PLEKHA7: variants seen among roughly 807,000 people sequenced by gnomAD.
The protein encoded by PLEKHA7 is pleckstrin homology domain containing A7.
Under a neutral mutation model 170.0 loss-of-function variants are expected in PLEKHA7, and 104 were observed. The ratio of observed to expected loss-of-function variants is 0.61; its 90% confidence interval spans 0.52 to 0.72. The LOEUF (loss-of-function observed/expected upper bound fraction) is 0.72. Among genes scored for constraint, PLEKHA7 ranks in the 30% least tolerant of loss-of-function variants. The pLI is 0.00. For synonymous variants in PLEKHA7, 648 were observed against 660.8 expected (o/e 0.98, Z 0.30); for missense variants, 1,615 against 1,671.7 (o/e 0.97, Z 0.59).
intron 3 of PLEKHA7, among the ~76,000 whole-genome samples, chr11:16,884,268 A>G (rs1027768862): frequency 2.0e-5 from 3 of 152,170 alleles, no homozygotes; most frequent in Admixed American, 6.5e-5. Flanking sequence ...TGTCCCCCAA[A>G]CTAGTTTTAT....
intron 4 of PLEKHA7, among the ~76,000 whole-genome samples, chr11:16,863,615 C>A (rs562168690): frequency 6.6e-6 from 1 of 152,184 alleles, no homozygotes; most frequent in South Asian, 2.1e-4. Flanking sequence ...CAAATGCTAG[C>A]GTCACTGCTC....
chr11:16,846,276 C>A (rs1380218078), intron 8 of PLEKHA7, among the ~76,000 whole-genome samples: 5 of 151,718 alleles, frequency 3.3e-5, no homozygotes, highest in Non-Finnish European at 7.4e-5. Flanking sequence ...CAGAGCAAGA[C>A]TCCATGGAAA....
intron 26 of PLEKHA7, among the ~76,000 whole-genome samples, chr11:16,779,538 T>C (rs149406741): frequency 6.5e-4 from 99 of 152,286 alleles, no homozygotes; most frequent in African/African-American, 2.3e-3. Flanking sequence ...TGCTCAGATC[T>C]CTAGGAGAAA....
chr11:17,008,379 A>G (rs1047524485), intron 3 of PLEKHA7, among the ~76,000 whole-genome samples: 5 of 152,076 alleles, frequency 3.3e-5, no homozygotes, highest in African/African-American at 1.2e-4. Flanking sequence ...TGAAATGAAG[A>G]CGCAGAGGAG....
Position 16,816,968 on chromosome 11 carries a change from C to A in PLEKHA7, c.1698G>T (p.Val566=). The A allele has an allele frequency of 6.2e-7, 1 of 1,610,476 alleles. No individual in the cohort carries two copies. Among genetic ancestry groups the A allele is most frequent in the Non-Finnish European group, 8.5e-7 (1 of 1,178,146 alleles). The change falls in exon 11 of 27, where the codon GTG becomes GTT. Residue 566 remains valine (V), a synonymous_variant. Coordinates refer to ENST00000531066, the MANE Select transcript of PLEKHA7 (RefSeq NM_001329630.2). ...SMLEVPRSIS[V]PPSPSDIPPP... ...GAGGGATGTCCGAGGGAGATGGAGG[C>A]ACAGAGATGGAGCGGGGCACCTCTA...
chr11:16,789,859 T>G lies in PLEKHA7; in HGVS notation c.3072A>C (p.Ser1024=), dbSNP rs1564909275. Residue 1024 remains serine (S), a synonymous_variant, in exon 22 of 27, where the codon TCA becomes TCC. Transcript: ENST00000531066. This position sits in a 1 kb window ranked among gnomAD's most constrained non-coding sequence, Gnocchi z 4.6. ...CAATGGTGGACGACTGCTGGAGCCT[T>G]GACGTGGACCCTGAGAGCCCTTAGT... ...LPGRGLSGST[S]RLQQSSTIAP... 1 of 1,614,082 alleles carries G rather than the reference T, an allele frequency of 6.2e-7. No homozygotes were observed. The highest frequency in any genetic ancestry group is 8.5e-7 in the Non-Finnish European group (1 of 1,179,954).
chr11:16,813,365 A>G, intron 12 of PLEKHA7, 199 bp from the exon 13 acceptor site: 1 of 468,474 alleles, frequency 2.1e-6, no homozygotes, highest in East Asian at 3.5e-5. Context: ...CGGATCTTGC[A>G]GGTCACTGTG....
intron 3 of PLEKHA7, among the ~76,000 whole-genome samples, chr11:17,008,173 G>A (rs1381740161): frequency 6.6e-6 from 1 of 152,140 alleles, no homozygotes. Context: ...TACCTACACA[G>A]GGTGGCTCCA....
At chr11:16,864,636 C>T (rs1443824263) in intron 4 of PLEKHA7, among the ~76,000 whole-genome samples, 4 of 152,174 alleles carry the variant, frequency 2.6e-5, no homozygotes, top group Admixed American at 2.6e-4. Context: ...GTGAGTAAGT[C>T]TCACAAGATC....
chr11:16,941,191 T>C (rs1860672862), intron 3 of PLEKHA7, among the ~76,000 whole-genome samples: 1 of 152,198 alleles, frequency 6.6e-6, no homozygotes. Context: ...AGGGTGTCCT[T>C]ACCCAGATGG....
At chr11:16,943,247 G>C (rs1164830212) in intron 3 of PLEKHA7, among the ~76,000 whole-genome samples, 1 of 151,500 alleles carries the variant, frequency 6.6e-6, no homozygotes, top group East Asian at 1.9e-4. Context: ...AGTTATTATT[G>C]CAATACTTTA....
At chr11:16,960,424 G>C (rs1489781264) in intron 3 of PLEKHA7, among the ~76,000 whole-genome samples, 2 of 152,170 alleles carry the variant, frequency 1.3e-5, no homozygotes, top group African/African-American at 4.8e-5. Context: ...CGTTGCCTGA[G>C]CTCTGAGTTG....
chr11:16,840,580 C>T (rs899787409), intron 9 of PLEKHA7, among the ~76,000 whole-genome samples: 1 of 151,904 alleles, frequency 6.6e-6, no homozygotes, highest in Non-Finnish European at 1.5e-5. Context: ...CAAAACAAAA[C>T]CAAGATATAA....
At chr11:16,929,784 C>T (rs1189518707) in intron 3 of PLEKHA7, among the ~76,000 whole-genome samples, 11 of 152,106 alleles carry the variant, frequency 7.2e-5, no homozygotes, top group Non-Finnish European at 1.5e-5. Context: ...GTGGGTGGAT[C>T]ACAAGGTCAA....
intron 13 of PLEKHA7, among the ~76,000 whole-genome samples, chr11:16,810,930 A>G (rs908346925): frequency 1.3e-5 from 2 of 152,218 alleles, no homozygotes; most frequent in Non-Finnish European, 2.9e-5. Flanking sequence ...CCATTAAAAG[A>G]TGATACCACC....
intron 13 of PLEKHA7, among the ~76,000 whole-genome samples, chr11:16,810,031 T>C (rs925654656): frequency 6.6e-6 from 1 of 152,218 alleles, no homozygotes; most frequent in African/African-American, 2.4e-5. Context: ...GGCAGCCACC[T>C]TCCCTGCCCG....
chr11:16,959,228 T>TGCC (rs1554983280), intron 3 of PLEKHA7, among the ~76,000 whole-genome samples: 48,911 of 151,780 alleles, frequency 0.32, 8,452 homozygotes, highest in Non-Finnish European at 0.39. Flanking sequence ...TGCTCCCCTC[T>TGCC]CTCCCCCTCA....
intron 3 of PLEKHA7, among the ~76,000 whole-genome samples, chr11:16,900,126 T>C (rs1192325929): frequency 6.6e-6 from 1 of 152,212 alleles, no homozygotes; most frequent in African/African-American, 2.4e-5. Flanking sequence ...CATGTCACTG[T>C]CCAGCCAGAG....
intron 8 of PLEKHA7, among the ~76,000 whole-genome samples, chr11:16,849,803 T>G (rs1342052393): frequency 1.3e-5 from 2 of 152,190 alleles, no homozygotes; most frequent in Non-Finnish European, 2.9e-5. Context: ...AAGGCAACAG[T>G]ATTCCACGCA....
Sources: gnomAD v4.1 joint callset for allele counts (sites outside exome capture counted in the v4.1 genomes callset) on GRCh38, gnomAD v4.1.1 for gene constraint, Gnocchi (gnomAD v3.1) non-coding constraint, MANE v1.5 for transcripts, NCBI Gene and HGNC (gene_info 2026-07-23, HGNC 2026-07-21) for gene names.